Variants in UNC5C observed in about 807,000 individuals in gnomAD.
The protein encoded by UNC5C is netrin receptor UNC5C.
A neutral mutation model predicts 99.8 loss-of-function variants in UNC5C; 47 were observed. The ratio of observed to expected loss-of-function variants is 0.47; its 90% CI spans 0.37 to 0.60. UNC5C has a LOEUF of 0.60. UNC5C is among the 20% of genes least tolerant of loss of function. The pLI, the probability that UNC5C is intolerant of heterozygous loss-of-function variation, is 0.00. For synonymous variants in UNC5C, 487 were observed against 452.2 expected, an observed-to-expected ratio of 1.08 and a Z score of -0.98; for missense variants, 1,062 against 1,165.9, an observed-to-expected ratio of 0.91 and a Z score of 1.30.
At chr4:95,263,907 C>G (rs998520492) in intron 4 of UNC5C, among the ~76,000 whole-genome samples, 1 of 152,030 alleles carries the variant, frequency 6.6e-6, no homozygotes, top group African/African-American at 2.4e-5. Flanking sequence ...AACTTACAAA[C>G]TAAGATAAAA....
At chr4:95,470,731 A>G (rs1041067217) in intron 1 of UNC5C, among the ~76,000 whole-genome samples, 2 of 152,162 alleles carry the variant, frequency 1.3e-5, no homozygotes, top group Admixed American at 6.5e-5. Flanking sequence ...CTAGAGGAGG[A>G]AAAGAAGCAA....
chr4:95,466,408 C>T (rs1560843721), intron 1 of UNC5C, among the ~76,000 whole-genome samples: 1 of 152,032 alleles, frequency 6.6e-6, no homozygotes, highest in Admixed American at 6.6e-5. Flanking sequence ...TACATTTGGA[C>T]AGTAATTAAG....
At chr4:95,392,917 T>C (rs1413342428) in intron 1 of UNC5C, among the ~76,000 whole-genome samples, 5 of 152,202 alleles carry the variant, frequency 3.3e-5, no homozygotes, top group Non-Finnish European at 7.3e-5. Flanking sequence ...TACCTGTGAT[T>C]ATCTAAAAGT....
chr4:95,539,048 A>C (rs1406805181), intron 1 of UNC5C, among the ~76,000 whole-genome samples: 1 of 152,234 alleles, frequency 6.6e-6, no homozygotes, highest in African/African-American at 2.4e-5. Flanking sequence ...TATTCTGGTC[A>C]GAGAAGAACA....
rs544410954 is a variant in UNC5C at position 95,356,383 on chromosome 4, C to CAT, written c.125-20754_125-20753dup. Among the ~76,000 whole-genome samples the CAT allele has an allele frequency of 7.1e-3, 1,080 of 151,896 alleles. 7 individuals are homozygous for CAT. The highest frequency in any genetic ancestry group is 0.011 in the Non-Finnish European group (740 of 67,964). ...CTCCCTATGTAGAAATTCCAGTTACCATATCACTTACCAAAATTTGTTTAT... is the reference window on the plus strand; with the variant it reads ...CTCCCTATGTAGAAATTCCAGTTACCATATATCACTTACCAAAATTTGTTTAT... On this transcript the variant is annotated intron_variant, in intron 1 of 15. Transcript: ENST00000453304.
intron 2 of UNC5C, among the ~76,000 whole-genome samples, chr4:95,333,272 G>A (rs1221504709): frequency 1.3e-5 from 2 of 152,212 alleles, no homozygotes; most frequent in African/African-American, 2.4e-5. Flanking sequence ...ACATGCACAC[G>A]TATGTTTATT....
chr4:95,543,811 T>C (rs985508978), intron 1 of UNC5C, among the ~76,000 whole-genome samples: 2 of 152,162 alleles, frequency 1.3e-5, no homozygotes, highest in Non-Finnish European at 2.9e-5. Flanking sequence ...TTAGAACTAA[T>C]ATTAGGTTAA....
intron 1 of UNC5C, among the ~76,000 whole-genome samples, chr4:95,438,223 T>C (rs1452164780): frequency 1.3e-5 from 2 of 152,072 alleles, no homozygotes; most frequent in Non-Finnish European, 2.9e-5. Flanking sequence ...GTGAGGACCC[T>C]GGACCTGAAC....
chr4:95,491,537 G>A (rs1422218505), intron 1 of UNC5C, among the ~76,000 whole-genome samples: 1 of 151,518 alleles, frequency 6.6e-6, no homozygotes, highest in Non-Finnish European at 1.5e-5. Context: ...TACTTGGAGA[G>A]GAATCCACTG....
At chr4:95,368,772 G>A (rs1744656132) in intron 1 of UNC5C, among the ~76,000 whole-genome samples, 1 of 152,134 alleles carries the variant, frequency 6.6e-6, no homozygotes, top group Admixed American at 6.5e-5. Context: ...GAATTTTAAT[G>A]ATATATTTTA....
intron 1 of UNC5C, among the ~76,000 whole-genome samples, chr4:95,354,664 G>T (rs1259120401): frequency 6.6e-6 from 1 of 151,300 alleles, no homozygotes; most frequent in African/African-American, 2.4e-5. Context: ...ACATTTTTTT[G>T]TAGAGATGGG....
At chr4:95,420,962 C>T (rs929359076) in intron 1 of UNC5C, among the ~76,000 whole-genome samples, 2 of 152,138 alleles carry the variant, frequency 1.3e-5, no homozygotes, top group South Asian at 4.1e-4. Context: ...TCCAGATCTG[C>T]TACCTATTAG....
intron 1 of UNC5C, among the ~76,000 whole-genome samples, chr4:95,408,504 A>T (rs1161040227): frequency 6.6e-6 from 1 of 152,198 alleles, no homozygotes; most frequent in Admixed American, 6.5e-5. Flanking sequence ...CATCTTCTGT[A>T]TGTTAGATTT....
chr4:95,250,703 C>T (rs532436109), intron 4 of UNC5C, 36 bp from the exon 5 acceptor site: 1 of 1,597,932 alleles, frequency 6.3e-7, no homozygotes, highest in East Asian at 2.2e-5. Context: ...AAATCCTCAG[C>T]ATGGATCCCC....
In UNC5C at chr4:95,480,794, G is replaced by A. The variant is rs528480517; in HGVS notation, c.124+67940C>T. On this transcript the variant is annotated intron_variant, in intron 1 of 15. Coordinates refer to ENST00000453304, the MANE Select transcript of UNC5C (RefSeq NM_003728.4). ...CTCAATAGATGCAGAAAAGGCCTTT[G>A]ACAAAATTCAACAACCATTCATGCT... Among the ~76,000 whole-genome samples, 11 of 151,884 alleles carry A rather than the reference G, an allele frequency of 7.2e-5. No individual in the cohort carries two copies. In the South Asian group the frequency reaches 2.1e-3, roughly 29 times the overall value.
In UNC5C at chr4:95,340,642, G is replaced by A. The variant is rs187448876; in HGVS notation, c.125-5011C>T. On this transcript the variant is annotated intron_variant, in intron 1 of 15. Transcript: ENST00000453304. ...ATTGCACAACTTGGAAGTACTGAATGATTTCTAACTTCAAAACAAACTTTT... is the reference window on the plus strand; with the variant it reads ...ATTGCACAACTTGGAAGTACTGAATAATTTCTAACTTCAAAACAAACTTTT... Among the ~76,000 whole-genome samples, 5 of 152,188 alleles carry A rather than the reference G, an allele frequency of 3.3e-5. No individual in the cohort carries two copies. In the East Asian group the frequency reaches 5.8e-4, roughly 18 times the overall value.
At chr4:95,444,553 G>A (rs1277141999) in intron 1 of UNC5C, among the ~76,000 whole-genome samples, 1 of 151,978 alleles carries the variant, frequency 6.6e-6, no homozygotes, top group Non-Finnish European at 1.5e-5. Context: ...GGATGGTCTC[G>A]ATCTCCTGAC....
At chr4:95,392,430 A>AT (rs10608601) in intron 1 of UNC5C, among the ~76,000 whole-genome samples, 26 of 109,076 alleles carry the variant, frequency 2.4e-4, no homozygotes, top group South Asian at 1.8e-3. Flanking sequence ...GTATCAAAAC[A>AT]TTTTTTTTTT....
intron 1 of UNC5C, among the ~76,000 whole-genome samples, chr4:95,338,004 C>T (rs188646147): frequency 1.3e-5 from 2 of 152,096 alleles, no homozygotes; most frequent in South Asian, 2.1e-4. Flanking sequence ...CATATCACTT[C>T]TATTACTCAA....
Sources: gnomAD v4.1 joint callset for allele counts (sites outside exome capture counted in the v4.1 genomes callset) on GRCh38, gnomAD v4.1.1 for gene constraint, MANE v1.5 for transcripts, NCBI Gene and HGNC (gene_info 2026-07-23, HGNC 2026-07-21) for gene names.